SAMD5: variants seen among roughly 807,000 people sequenced by gnomAD.
The protein encoded by SAMD5 is sterile alpha motif domain-containing protein 5.
SAMD5 carries 13 observed loss-of-function variants against 11.3 expected under a neutral mutation model. The ratio of observed to expected loss-of-function variants is 1.15; its 90% CI spans 0.75 to 1.83. SAMD5 has a LOEUF of 1.83. Ranked by LOEUF, SAMD5 falls within the 40% of genes most tolerant of loss-of-function variation. The pLI is 0.00. For synonymous variants in SAMD5, 129 were observed against 111.3 expected, an observed-to-expected ratio of 1.16 and a Z score of -1.00; for missense variants, 255 against 239.1, an observed-to-expected ratio of 1.07 and a Z score of -0.44.
chr6:147,936,418 T>C, the SAMD5 span, among the ~76,000 whole-genome samples: 3 of 146,998 alleles, frequency 2.0e-5, no homozygotes, highest in Non-Finnish European at 4.5e-5. Flanking sequence ...GCACATCACA[T>C]AGTGAGAGCA....
At chr6:147,928,256 T>G in the SAMD5 span, among the ~76,000 whole-genome samples, 8 of 152,202 alleles carry the variant, frequency 5.3e-5, no homozygotes, top group Non-Finnish European at 1.2e-4. Context: ...TCTTTGTACA[T>G]CTGGTAGAAT....
At chr6:147,779,027 T>C in the SAMD5 span, among the ~76,000 whole-genome samples, 1 of 151,842 alleles carries the variant, frequency 6.6e-6, no homozygotes, top group African/African-American at 2.4e-5. Flanking sequence ...CCTCATCATG[T>C]GACCAAAACA....
rs563517947 is a variant in SAMD5, at chr6:147,527,988, C to T, written c.459+18601C>T. Among the ~76,000 whole-genome samples, 33 of 152,024 alleles carry T rather than the reference C, an allele frequency of 2.2e-4. 1 individual carries two copies. In the South Asian group the frequency reaches 5.6e-3, roughly 26 times the overall value. On this transcript the variant is annotated intron_variant, in intron 1 of 1. Coordinates refer to ENST00000367474, the MANE Select transcript of SAMD5 (RefSeq NM_001030060.3). ...AGGAACAGGAGCAAGAGAGCGCGTA[C>T]GGGGAGGTGCCATACACTTTTAAAC...
the SAMD5 span, among the ~76,000 whole-genome samples, chr6:147,781,706 T>G: frequency 6.6e-6 from 1 of 151,916 alleles, no homozygotes; most frequent in Non-Finnish European, 1.5e-5. Context: ...GATGTATATA[T>G]TTAAAATATT....
At chr6:147,691,350 A>G (rs1389903118) in intron 1 of SAMD5, among the ~76,000 whole-genome samples, 2 of 152,060 alleles carry the variant, frequency 1.3e-5, no homozygotes, top group Non-Finnish European at 2.9e-5. Context: ...GAAGGCAACT[A>G]CTGTTTTTCT....
the SAMD5 span, among the ~76,000 whole-genome samples, chr6:147,911,657 G>T: frequency 2.0e-5 from 3 of 152,206 alleles, no homozygotes; most frequent in Non-Finnish European, 4.4e-5. Context: ...TCTGCACAGA[G>T]TTACCTTCAA....
At chr6:147,873,474 A>C in the SAMD5 span, among the ~76,000 whole-genome samples, 23 of 152,290 alleles carry the variant, frequency 1.5e-4, no homozygotes, top group East Asian at 3.9e-3. Context: ...GGGTTTAAAA[A>C]AATGCATGTT....
At chr6:147,785,446 C>G in the SAMD5 span, among the ~76,000 whole-genome samples, 1 of 152,156 alleles carries the variant, frequency 6.6e-6, no homozygotes, top group African/African-American at 2.4e-5. Context: ...CACCTGATTT[C>G]CTTCCTAAAC....
At chr6:147,714,405 G>A (rs535296419) in intron 1 of SAMD5, among the ~76,000 whole-genome samples, 12 of 152,280 alleles carry the variant, frequency 7.9e-5, no homozygotes, top group South Asian at 2.1e-4. Context: ...GGAGAAGCAC[G>A]TCCTGCTTCT....
At chr6:147,671,671 C>A (rs1790796966) in intron 1 of SAMD5, among the ~76,000 whole-genome samples, 2 of 152,078 alleles carry the variant, frequency 1.3e-5, no homozygotes, top group African/African-American at 4.8e-5. Flanking sequence ...GAGCAACAAG[C>A]CACCCATTAC....
rs1456361470 is a variant in SAMD5 at position 147,566,763 on chromosome 6, T to G, written c.*2307T>G. 10 of 984,808 alleles carry G rather than the reference T, an allele frequency of 1.0e-5. No homozygotes were observed. Among genetic ancestry groups the G allele is most frequent in the Non-Finnish European group, 1.1e-5 (9 of 829,542 alleles). The allele number at this position is 984,808 out of a possible 1,614,324, so 61.0% of individuals were successfully genotyped here. On this transcript the variant is annotated 3_prime_UTR_variant, in exon 2 of 2. Transcript: ENST00000367474. ...TTAGTTAAAGCTAGAGGAAGAAAAC[T>G]TCAAATAAGCAAAGAAGTATTGAAG...
chr6:147,862,680 A>G, the SAMD5 span, among the ~76,000 whole-genome samples: 1 of 152,178 alleles, frequency 6.6e-6, no homozygotes, highest in African/African-American at 2.4e-5. Context: ...TAGCATTTTT[A>G]TGTTATCAAA....
At chr6:147,848,747 T>C in the SAMD5 span, among the ~76,000 whole-genome samples, 1 of 152,208 alleles carries the variant, frequency 6.6e-6, no homozygotes, top group Non-Finnish European at 1.5e-5. Flanking sequence ...TTGTGAGACA[T>C]GATGCAGACC....
At chr6:147,663,016 T>G (rs1790668480) in intron 1 of SAMD5, among the ~76,000 whole-genome samples, 1 of 152,222 alleles carries the variant, frequency 6.6e-6, no homozygotes, top group African/African-American at 2.4e-5. Context: ...CAATGACATC[T>G]GATAATGTGT....
rs78040354 is a variant in SAMD5, at chr6:147,620,962, C to CTGTGTGTGTGTG, written c.162+111592_162+111603dup. 5.1e-3 allele frequency among the ~76,000 whole-genome samples: 654 copies of CTGTGTGTGTGTG among 128,502 alleles called. 2 individuals carry two copies. The highest frequency in any genetic ancestry group is 0.017 in the African/African-American group (625 of 37,334). 84.3% of individuals were successfully genotyped at this position (128,502 alleles called of 152,430 possible). A position where few individuals can be genotyped will look rare whatever the true frequency, so the allele number is the denominator to read the frequency against. On this transcript the variant is annotated intron_variant, in intron 1 of 1. Coordinates refer to the SAMD5 transcript ENST00000566741. ...TGTGTGTATGACTGTGTATGTGCCTCTGTGTGTGTGTGTGTGTGTGTGTGT... is the reference window on the plus strand; with the variant it reads ...TGTGTGTATGACTGTGTATGTGCCTCTGTGTGTGTGTGTGTGTGTGTGTGTGTGTGTGTGTGT...
chr6:147,571,564 T>TA (rs1275324936), downstream of SAMD5, among the ~76,000 whole-genome samples: 3 of 151,648 alleles, frequency 2.0e-5, no homozygotes, highest in African/African-American at 7.3e-5. Flanking sequence ...GACTAACTCG[T>TA]CTATTTTAAA....
chr6:147,720,441 C>G (rs796176087), intron 1 of SAMD5, among the ~76,000 whole-genome samples: 1 of 145,556 alleles, frequency 6.9e-6, no homozygotes, highest in Non-Finnish European at 1.5e-5. Context: ...CCAGCCTGGG[C>G]GACAGAGCGA....
At chr6:147,734,784 A>G (rs1451021722) in intron 1 of SAMD5, among the ~76,000 whole-genome samples, 3 of 146,698 alleles carry the variant, frequency 2.0e-5, no homozygotes, top group Non-Finnish European at 3.0e-5. Flanking sequence ...TTAAATCCGT[A>G]TTTAAAAGGC....
intron 1 of SAMD5, among the ~76,000 whole-genome samples, chr6:147,588,205 C>T (rs148186027): frequency 1.1e-3 from 160 of 150,574 alleles, no homozygotes; most frequent in African/African-American, 3.5e-3. Context: ...TAACAAATCT[C>T]GGTGGGAACT....
Sources: gnomAD v4.1 joint callset for allele counts (sites outside exome capture counted in the v4.1 genomes callset) on GRCh38, gnomAD v4.1.1 for gene constraint, MANE v1.5 for transcripts, NCBI Gene and HGNC (gene_info 2026-07-23, HGNC 2026-07-21) for gene names.